The following USH2A variants were observed in gnomAD, a reference collection of about 807,000 sequenced individuals.
USH2A encodes the protein Usher syndrome 2A (autosomal recessive, mild).
A neutral mutation model predicts 538.9 loss-of-function variants in USH2A; 443 were observed. That is an observed-to-expected ratio of 0.82 (90% confidence interval 0.76 to 0.89). The LOEUF (loss-of-function observed/expected upper bound fraction) is 0.89. Among genes scored for constraint, USH2A ranks in the 40% least tolerant of loss-of-function variants. The probability of loss-of-function intolerance (pLI) is 0.00; values close to 1 mark genes in which losing one functional copy is unlikely to be tolerated. For synonymous variants in USH2A, 2,413 were observed against 2,273.5 expected, an observed-to-expected ratio of 1.06 and a Z score of -1.75; for missense variants, 6,633 against 6,324.8, an observed-to-expected ratio of 1.05 and a Z score of -1.65.
At chr1:215,627,380 CCTTCTTTCCTTCCTT>C (rs1656069092) in intron 71 of USH2A, among the ~76,000 whole-genome samples, 27 of 133,992 alleles carry the variant, frequency 2.0e-4, no homozygotes, top group Admixed American at 3.7e-4. Context: ...TCCCTCCCTT[CCTTCTTTCCTTCCTT>C]CCTTCCTTCC....
chr1:216,197,996 G>A (rs987082123), intron 18 of USH2A, among the ~76,000 whole-genome samples: 1 of 152,092 alleles, frequency 6.6e-6, no homozygotes, highest in Non-Finnish European at 1.5e-5. Flanking sequence ...TGAGACATGT[G>A]TCCAATCCAC....
At chr1:216,250,196 G>T (rs180879933) in intron 12 of USH2A, among the ~76,000 whole-genome samples, 1 of 152,070 alleles carries the variant, frequency 6.6e-6, no homozygotes, top group East Asian at 1.9e-4. Flanking sequence ...AATGTTGGAT[G>T]TAATAAATTG....
chr1:215,742,661 C>T (rs1004576018), intron 59 of USH2A, among the ~76,000 whole-genome samples: 1 of 152,054 alleles, frequency 6.6e-6, no homozygotes, highest in African/African-American at 2.4e-5. Flanking sequence ...AACACAGATA[C>T]ATGAAAATTT....
At chr1:216,370,677 CAAAAAAAAA>C (rs58845914) in intron 3 of USH2A, among the ~76,000 whole-genome samples, 3 of 29,990 alleles carry the variant, frequency 1.0e-4, no homozygotes, top group South Asian at 3.3e-3. Flanking sequence ...GACTCTGTCT[CAAAAAAAAA>C]AAAAAAAAAA....
intron 4 of USH2A, among the ~76,000 whole-genome samples, chr1:216,340,430 C>T (rs889828498): frequency 3.3e-5 from 5 of 151,510 alleles, no homozygotes; most frequent in African/African-American, 9.7e-5. Context: ...GAGCTGGTAC[C>T]ATTCCTTTTG....
At chr1:215,714,848 G>T (rs1277114852) in intron 61 of USH2A, among the ~76,000 whole-genome samples, 1 of 152,140 alleles carries the variant, frequency 6.6e-6, no homozygotes, top group Non-Finnish European at 1.5e-5. Flanking sequence ...GGTGTAATAG[G>T]TCTAAAAATA....
chr1:216,359,782 A>G (rs6604658), intron 4 of USH2A, among the ~76,000 whole-genome samples: 59,510 of 151,774 alleles, frequency 0.39, 13,074 homozygotes, highest in African/African-American at 0.61. Context: ...CAAGGTCACT[A>G]AACATAGGTA....
At chr1:215,909,271 G>GT (rs1411299358) in intron 38 of USH2A, among the ~76,000 whole-genome samples, 1 of 151,860 alleles carries the variant, frequency 6.6e-6, no homozygotes, top group Non-Finnish European at 1.5e-5. Flanking sequence ...AGTGATCAGA[G>GT]TTTGCCAGGG....
intron 60 of USH2A, among the ~76,000 whole-genome samples, chr1:215,735,867 CA>C: frequency 6.6e-6 from 1 of 152,266 alleles, no homozygotes; most frequent in Non-Finnish European, 1.5e-5. Context: ...TGGCTTTGGA[CA>C]ACATATCTAG....
intron 22 of USH2A, among the ~76,000 whole-genome samples, chr1:216,089,950 A>G (rs146292910): frequency 2.6e-5 from 4 of 152,046 alleles, no homozygotes; most frequent in African/African-American, 9.7e-5. Flanking sequence ...TTAAGTGAAT[A>G]AGACTAAGTG....
At chr1:216,288,820 T>C (rs778186052) in intron 11 of USH2A, among the ~76,000 whole-genome samples, 11 of 152,080 alleles carry the variant, frequency 7.2e-5, no homozygotes, top group Non-Finnish European at 1.6e-4. Flanking sequence ...TTATAAAAAA[T>C]CCATTGTACT....
chr1:216,015,842 G>T (rs1668696847), intron 32 of USH2A, among the ~76,000 whole-genome samples: 1 of 152,020 alleles, frequency 6.6e-6, no homozygotes, highest in Non-Finnish European at 1.5e-5. Context: ...CCCATTACTG[G>T]GCATATACCC....
At chr1:215,810,235 A>T (rs1662628398) in intron 49 of USH2A, among the ~76,000 whole-genome samples, 1 of 152,200 alleles carries the variant, frequency 6.6e-6, no homozygotes. Context: ...CATATTTTTT[A>T]AATCCTTGGT....
intron 38 of USH2A, among the ~76,000 whole-genome samples, 179 bp downstream of exon 38, chr1:215,934,437 C>G (rs1666440106): frequency 6.6e-6 from 1 of 151,844 alleles, no homozygotes; most frequent in Non-Finnish European, 1.5e-5. Flanking sequence ...AATAAAAGAT[C>G]GTCAATTAAA....
chr1:216,114,336 C>CT (rs1201552027), intron 21 of USH2A, among the ~76,000 whole-genome samples: 2 of 151,760 alleles, frequency 1.3e-5, no homozygotes, highest in Admixed American at 6.6e-5. Context: ...AGCCATAATT[C>CT]TTTTTTCTGT....
chr1:216,208,919 T>C (rs76159772), intron 15 of USH2A, among the ~76,000 whole-genome samples: 1,844 of 152,240 alleles, frequency 0.012, 29 homozygotes, highest in African/African-American at 0.042. Flanking sequence ...AGGGTTTTTA[T>C]TGGGGGCTGT....
chr1:216,189,597 C>T (rs190246076), intron 20 of USH2A, among the ~76,000 whole-genome samples: 6 of 152,108 alleles, frequency 3.9e-5, no homozygotes, highest in Non-Finnish European at 8.8e-5. Flanking sequence ...CATTTCTACT[C>T]AGATTATACT....
chr1:215,786,185 G>A (rs892705208), intron 52 of USH2A, among the ~76,000 whole-genome samples: 1 of 152,136 alleles, frequency 6.6e-6, no homozygotes, highest in East Asian at 1.9e-4. Flanking sequence ...TAACTGCAAA[G>A]GTTATTCTTT....
At chr1:215,878,572 A>G (rs1425254294) in intron 42 of USH2A, among the ~76,000 whole-genome samples, 192 bp downstream of exon 42, 3 of 152,192 alleles carry the variant, frequency 2.0e-5, no homozygotes, top group African/African-American at 7.2e-5. Context: ...AGTTCTTCAA[A>G]TTGATAAACT....
Sources: allele counts gnomAD v4.1 joint callset (sites outside exome capture counted in the v4.1 genomes callset), GRCh38; gene constraint gnomAD v4.1.1; transcripts MANE v1.5; gene names NCBI Gene and HGNC (gene_info 2026-07-23, HGNC 2026-07-21).